The following FXYD1 variants were observed in gnomAD, a reference collection of about 807,000 sequenced individuals.
FXYD1 encodes FXYD domain containing ion transport regulator 1.
FXYD1 carries 9 observed loss-of-function variants against 17.2 expected under a neutral mutation model. The observed-to-expected ratio is 0.52, with a 90% confidence interval of 0.32 to 0.91. The LOEUF is 0.91. Among genes scored for constraint, FXYD1 ranks in the 40% least tolerant of loss-of-function variants. The pLI is 0.04. For synonymous variants in FXYD1, 55 were observed against 45.8 expected, an observed-to-expected ratio of 1.20 and a Z score of -0.81; for missense variants, 113 against 120.6, an observed-to-expected ratio of 0.94 and a Z score of 0.29.
In FXYD1 at chr19:35,141,116, G is replaced by C; in HGVS notation, c.95-16G>C. 1 of 1,569,434 alleles carries C rather than the reference G, an allele frequency of 6.4e-7. No individual in the cohort carries two copies. The highest frequency in any genetic ancestry group is 8.8e-7 in the Non-Finnish European group (1 of 1,140,938). On this transcript the variant is annotated splice_polypyrimidine_tract_variant and intron_variant, in intron 3 of 7. Coordinates refer to ENST00000351325, the MANE Select transcript of FXYD1 (RefSeq NM_021902.4). ...TGTCTTCCCTGCCCTCACCTTCCCT[G>C]CTCTGCTGCTCACAGACTACCAGTC... is the stretch of plus-strand genomic sequence containing the variant.
chr19:35,142,731 C>T lies in FXYD1; in HGVS notation c.268C>T (p.Arg90Cys), dbSNP rs61753924. The T allele has an allele frequency of 8.8e-3, 14,128 of 1,613,528 alleles. 86 individuals carry two copies. The highest frequency in any genetic ancestry group is 0.01 in the Non-Finnish European group (11,906 of 1,179,700). Residue 90 changes from arginine (R) to cysteine (C), a missense_variant, in exon 7 of 8, where the codon CGC becomes TGC. By Grantham distance (180) the Arg-to-Cys change is radical (BLOSUM62 -3). Coordinates refer to ENST00000351325, the MANE Select transcript of FXYD1 (RefSeq NM_021902.4). ...CGTGTTCCCCCCAGGTCTGTCCACC[C>T]GCAGGCGGTAGAAACACCTGGAGCG... Reference protein sequence around the residue: ...FRSSIRRLSTRRR With the variant: ...FRSSIRRLSTCRR
intron 5 of FXYD1, 137 bp from the exon 6 acceptor site, chr19:35,142,335 G>T: frequency 1.5e-6 from 1 of 680,558 alleles, no homozygotes; most frequent in Non-Finnish European, 2.5e-6. Flanking sequence ...CATTTCTGGC[G>T]GACCCCGAGC....
chr19:35,137,489 G>A (rs1303888424), upstream of FXYD1, among the ~76,000 whole-genome samples: 3 of 152,174 alleles, frequency 2.0e-5, no homozygotes, highest in African/African-American at 2.4e-5. Context: ...TGAGAGCGGC[G>A]GGTTGTCCTT....
In FXYD1 at chr19:35,140,125, A is replaced by G. The variant is rs1600484202; in HGVS notation, c.46A>G (p.Thr16Ala). The G allele has an allele frequency of 1.3e-6, 2 of 1,591,884 alleles. No individual in the cohort carries two copies. Among genetic ancestry groups the G allele is most frequent in the East Asian group, 2.2e-5 (1 of 44,742 alleles). The change falls in exon 2 of 8, where the codon ACC becomes GCC. Residue 16 changes from threonine to alanine, a missense_variant. Thr to Ala is a moderately conservative substitution (Grantham distance 58). Transcript: ENST00000351325. ...CTTGGTTTTCTGTGTGGGTCTCCTC[A>G]CCATGGCCAAGGCAGGTGAGTGCAG... The part of the protein sequence containing the change: ...HILVFCVGLL[T>A]MAKAESPKEH...
At chr19:35,142,849 G>T in intron 7 of FXYD1, 68 bp from the exon 8 acceptor site, 1 of 1,110,704 alleles carries the variant, frequency 9.0e-7, no homozygotes, top group Non-Finnish European at 1.4e-6. Context: ...CCAAGTGCCA[G>T]AGTTGAAGGG....
At chr19:35,141,058 C>A in intron 3 of FXYD1, 74 bp from the exon 4 acceptor site, 2 of 906,182 alleles carry the variant, frequency 2.2e-6, no homozygotes, top group Non-Finnish European at 3.7e-6. Flanking sequence ...CTGTTCCCTC[C>A]TTCCCAATTT....
upstream of FXYD1, chr19:35,138,275 T>C (rs565828793): frequency 6.6e-6 from 1 of 152,388 alleles, no homozygotes; most frequent in East Asian, 1.9e-4. Context: ...TTTTGTCTGG[T>C]TTTGTACCTG....
At chr19:35,142,384 T>C in intron 5 of FXYD1, 88 bp from the exon 6 acceptor site, 1 of 1,021,482 alleles carries the variant, frequency 9.8e-7, no homozygotes, top group Non-Finnish European at 1.5e-6. Flanking sequence ...TACACCAATC[T>C]GGGAAAGGAG....
intron 2 of FXYD1, 114 bp downstream of exon 2, chr19:35,140,254 G>A: frequency 1.4e-6 from 1 of 727,652 alleles, no homozygotes; most frequent in Non-Finnish European, 2.5e-6. Flanking sequence ...GTACCAAGAA[G>A]TTTGGGGGTC....
Position 35,140,754 on chromosome 19 carries a change from G to T in FXYD1, c.94+125G>T, listed in dbSNP as rs546662103. On this transcript the variant is annotated intron_variant, in intron 3 of 7. Coordinates refer to ENST00000351325, the MANE Select transcript of FXYD1 (RefSeq NM_021902.4). Reference sequence around the variant, plus strand: ...CTGTCATTCTCCTTCCCTCTATTTTGTCCTTCCTCTCTGATTCCACCTGTC... The same window carrying T: ...CTGTCATTCTCCTTCCCTCTATTTTTTCCTTCCTCTCTGATTCCACCTGTC... 6 of 770,838 alleles carry T rather than the reference G, an allele frequency of 7.8e-6. No homozygotes were observed. The Middle Eastern group carries it at 9.4e-4, about 121-fold the overall frequency. 47.7% of individuals were successfully genotyped at this position (770,838 alleles called of 1,614,324 possible). A position where few individuals can be genotyped will look rare whatever the true frequency, so the allele number is the denominator to read the frequency against.
chr19:35,141,030 C>A (rs1366759627), intron 3 of FXYD1, 102 bp from the exon 4 acceptor site: 2 of 737,258 alleles, frequency 2.7e-6, no homozygotes, highest in Non-Finnish European at 4.9e-6. Flanking sequence ...CCCCCTTCTG[C>A]CTGCTGGTCC....
In FXYD1 at chr19:35,140,608, G is replaced by A. The variant is rs116196721; in HGVS notation, c.73G>A (p.Glu25Lys). 1,013 of 1,613,512 alleles carry A rather than the reference G, an allele frequency of 6.3e-4. 5 individuals are homozygous for A. In the African/African-American group the frequency reaches 0.012, roughly 19 times the overall value. ...LTMAKAESPKEHDPFTYDYQS... is the reference protein window; with the variant it reads ...LTMAKAESPKKHDPFTYDYQS... ...CTCTCTCTTTCCAGAAAGTCCAAAG[G>A]AACACGACCCGTTCACTTACGGTGA... Residue 25 changes from glutamate to lysine, a missense_variant, in exon 3 of 8, where the codon GAA (glutamate) becomes AAA (lysine). Coordinates refer to ENST00000351325, the MANE Select transcript of FXYD1 (RefSeq NM_021902.4).
At chr19:35,140,387 C>T (rs957835481) in intron 2 of FXYD1, among the ~76,000 whole-genome samples, 3 of 152,082 alleles carry the variant, frequency 2.0e-5, no homozygotes, top group African/African-American at 4.8e-5. Flanking sequence ...AGACAGCCTG[C>T]CGTGAGTCAG....
At position 35,141,160 on chromosome 19, in the gene FXYD1, C is replaced by G. The variant is rs199797570; in HGVS notation, c.123C>G (p.Leu41=). The change falls in exon 4 of 8, where the codon CTC becomes CTG. Residue 41 remains leucine, a synonymous_variant. Coordinates refer to ENST00000351325, the MANE Select transcript of FXYD1 (RefSeq NM_021902.4). ...ACCAGTCCCTGCAGATCGGAGGCCT[C>G]GTCATCGCCGGGATCCTCTTCATCC... ...YDYQSLQIGG[L]VIAGILFILG... 4.5e-5 allele frequency: 72 copies of G among 1,611,292 alleles called. No individual in the cohort carries two copies. In the African/African-American group the frequency reaches 8.3e-4, roughly 19 times the overall value.
chr19:35,141,071 C>A, intron 3 of FXYD1, 61 bp from the exon 4 acceptor site: 1 of 1,010,562 alleles, frequency 9.9e-7, no homozygotes, highest in Non-Finnish European at 1.6e-6. Flanking sequence ...CCCAATTTAC[C>A]CCTCTCCTAT....
At chr19:35,140,665 A>G (rs764794839) in intron 3 of FXYD1, 36 bp downstream of exon 3, 25 of 1,598,216 alleles carry the variant, frequency 1.6e-5, no homozygotes, top group Non-Finnish European at 1.9e-5. Context: ...CCTGGGGGAG[A>G]GCCTGGCTTT....
Position 35,142,945 on chromosome 19 carries a change from G to A in FXYD1, c.*58G>A. On this transcript the variant is annotated 3_prime_UTR_variant, in exon 8 of 8. Transcript: ENST00000351325. ...TCCCCTGGCACCTGACATCTCCCACGCTCCACCTGCGCGCCCACCGCCCCC... is the reference window on the plus strand; with the variant it reads ...TCCCCTGGCACCTGACATCTCCCACACTCCACCTGCGCGCCCACCGCCCCC... 1 of 595,184 alleles carries A rather than the reference G, an allele frequency of 1.7e-6. No homozygotes were observed. Among genetic ancestry groups the A allele is most frequent in the Non-Finnish European group, 3.0e-6 (1 of 333,802 alleles). 36.9% of individuals were successfully genotyped at this position (595,184 alleles called of 1,614,324 possible).
chr19:35,140,896 G>C lies in FXYD1; in HGVS notation c.95-236G>C, dbSNP rs560257233. On this transcript the variant is annotated intron_variant, in intron 3 of 7. Coordinates refer to ENST00000351325, the MANE Select transcript of FXYD1 (RefSeq NM_021902.4). ...CGTGGCCCATCCTCTGCTTCTTCCC[G>C]TCTTCTCTCCCCCCTGTCCTCCTCC... 2.0e-4 allele frequency: 115 copies of C among 585,658 alleles called. 1 individual carries two copies. In the African/African-American group the frequency reaches 2.1e-3, roughly 11 times the overall value. 36.3% of individuals were successfully genotyped at this position (585,658 alleles called of 1,614,324 possible). A position where few individuals can be genotyped will look rare whatever the true frequency, so the allele number is the denominator to read the frequency against.
intron 5 of FXYD1, among the ~76,000 whole-genome samples, 159 bp downstream of exon 5, chr19:35,141,731 C>A (rs2065258809): frequency 6.6e-6 from 1 of 152,062 alleles, no homozygotes; most frequent in Admixed American, 6.5e-5. Flanking sequence ...TGGGACCAAG[C>A]GAGGAAAAAA....
Sources: gnomAD v4.1 joint callset for allele counts (sites outside exome capture counted in the v4.1 genomes callset) on GRCh38, gnomAD v4.1.1 for gene constraint, MANE v1.5 for transcripts, NCBI Gene and HGNC (gene_info 2026-07-23, HGNC 2026-07-21) for gene names.